Variants in HGFAC observed in about 807,000 individuals in gnomAD.
The protein encoded by HGFAC is hepatocyte growth factor activator serine protease.
In HGFAC, 76 loss-of-function variants were observed where a neutral mutation model predicts 70.6. The ratio of observed to expected loss-of-function variants is 1.08; its 90% CI spans 0.89 to 1.30. The LOEUF (loss-of-function observed/expected upper bound fraction) is 1.30, where lower values mean the gene tolerates loss of function less well. HGFAC is among the 50% of genes most tolerant of loss of function. HGFAC has a pLI of 0.00. For synonymous variants in HGFAC, 464 were observed against 405.3 expected (o/e 1.14, Z -1.74); for missense variants, 1,044 against 933.7 (o/e 1.12, Z -1.54).
upstream of HGFAC, chr4:3,441,953 G>T: frequency 1.8e-6 from 2 of 1,115,672 alleles, no homozygotes; most frequent in Non-Finnish European, 2.5e-6. The surrounding 1 kb of genome is among the most constrained non-coding windows in gnomAD (Gnocchi z 6.0). Flanking sequence ...CACCTGCCTT[G>T]GCCGCTCTGC....
At position 3,444,442 on chromosome 4, in the gene HGFAC, G is replaced by T; in HGVS notation, c.730G>T (p.Ala244Ser). 1.3e-6 allele frequency: 2 copies of T among 1,591,094 alleles called. No individual in the cohort carries two copies. Among genetic ancestry groups the T allele is most frequent in the Non-Finnish European group, 1.7e-6 (2 of 1,170,234 alleles). ...RTWCEGTRHT[A>S]CLSSPCLNGG... Reference sequence around the variant, plus strand: ...CTGGTGCGAAGGCACCCGACATACAGGTGCGCCACGGGGTGTGAGCCGTGC... The same window carrying T: ...CTGGTGCGAAGGCACCCGACATACATGTGCGCCACGGGGTGTGAGCCGTGC... Residue 244 changes from alanine to serine, a missense_variant and splice_region_variant, in exon 6 of 14, where the codon GCT (alanine) becomes TCT (serine). Ala to Ser is a moderately conservative substitution (Grantham distance 99). Transcript: ENST00000382774.
Position 3,444,455 on chromosome 4 carries a change from G to C in HGFAC, c.730+13G>C. 1 of 1,577,678 alleles carries C rather than the reference G, an allele frequency of 6.3e-7. No homozygotes were observed. Reference sequence around the variant, plus strand: ...ACCCGACATACAGGTGCGCCACGGGGTGTGAGCCGTGCCACTGACCCCTGA... The same window carrying C: ...ACCCGACATACAGGTGCGCCACGGGCTGTGAGCCGTGCCACTGACCCCTGA... On this transcript the variant is annotated intron_variant, in intron 6 of 13. Transcript: ENST00000382774.
In HGFAC at chr4:3,447,641, G is replaced by A. The variant is rs200292502; in HGVS notation, c.1495+10G>A. On this transcript the variant is annotated intron_variant, in intron 11 of 13. Coordinates refer to ENST00000382774, the MANE Select transcript of HGFAC (RefSeq NM_001528.4). Reference sequence around the variant, plus strand: ...AGCGACCACGACCTCGGTGAGCTCCGGCGTGTCGTGGCTGCACTCTGGGCA... The same window carrying A: ...AGCGACCACGACCTCGGTGAGCTCCAGCGTGTCGTGGCTGCACTCTGGGCA... 8.7e-5 allele frequency: 141 copies of A among 1,612,196 alleles called. No individual in the cohort carries two copies. Among genetic ancestry groups the A allele is most frequent in the East Asian group, 4.5e-4 (20 of 44,860 alleles).
rs770817808 is a variant in HGFAC, at chr4:3,449,436, C to A, written c.*17C>A. ...CCCTCCTGACCCTCCAGCGGGACAC[C>A]CTGGTTCCCACCATTCCCTGCCTTG... On this transcript the variant is annotated 3_prime_UTR_variant, in exon 14 of 14. Coordinates refer to ENST00000382774, the MANE Select transcript of HGFAC (RefSeq NM_001528.4). 6.6e-7 allele frequency: 1 copy of A among 1,504,906 alleles called. No homozygotes were observed. The highest frequency in any genetic ancestry group is 1.4e-5 in the African/African-American group (1 of 71,030). 93.2% of individuals were successfully genotyped at this position (1,504,906 alleles called of 1,614,324 possible). A position where few individuals can be genotyped will look rare whatever the true frequency, so the allele number is the denominator to read the frequency against.
At chr4:3,445,209 A>G (rs1403756070) in intron 8 of HGFAC, 56 bp from the exon 9 acceptor site, 3 of 1,437,048 alleles carry the variant, frequency 2.1e-6, no homozygotes, top group Non-Finnish European at 1.9e-6. Context: ...CCCCCTCCCC[A>G]TGCCCTCTTC....
chr4:3,442,236 C>A, intron 1 of HGFAC, 118 bp downstream of exon 1: 2 of 737,886 alleles, frequency 2.7e-6, no homozygotes, highest in African/African-American at 1.9e-5. Flanking sequence ...GGCGGGGGTC[C>A]GAGCAGGGGG....
At chr4:3,442,139 A>G in intron 1 of HGFAC, 21 bp downstream of exon 1, 1 of 1,530,970 alleles carries the variant, frequency 6.5e-7, no homozygotes, top group South Asian at 1.2e-5. Context: ...ACCTTGTCGC[A>G]GTGCGACCAG....
At position 3,443,115 on chromosome 4, in the gene HGFAC, T is replaced by G. The variant is rs1446717337; in HGVS notation, c.364T>G (p.Cys122Gly). The change falls in exon 3 of 14, where the codon TGC (cysteine) becomes GGC (glycine). Residue 122 changes from cysteine (C) to glycine (G), a missense_variant. Cys to Gly is a radical substitution (Grantham distance 159). Transcript: ENST00000382774. ...FRYGGRMLHA[C>G]TSEGSAHRKW... ...CTACGGGGGCCGCATGCTGCATGCC[T>G]GCACTTCGGAGGGCAGTGCACACAG... The G allele has an allele frequency of 1.3e-6, 2 of 1,586,946 alleles. No homozygotes were observed. The highest frequency in any genetic ancestry group is 2.2e-5 in the East Asian group (1 of 44,594).
At position 3,442,868 on chromosome 4, in the gene HGFAC, C is replaced by T. The variant is rs779825938; in HGVS notation, c.254C>T (p.Pro85Leu). The T allele has an allele frequency of 1.3e-6, 2 of 1,572,628 alleles. No individual in the cohort carries two copies. The highest frequency in any genetic ancestry group is 2.7e-5 in the African/African-American group (2 of 72,734). Residue 85 changes from proline (P) to leucine (L), a missense_variant, in exon 2 of 14, where the codon CCC becomes CTC. Transcript: ENST00000382774. ...AEGPQSGGLPPPPRAVPSSSS... is the reference protein window; with the variant it reads ...AEGPQSGGLPLPPRAVPSSSS... ...GGACCCCAAAGTGGGGGGCTCCCGCCCCCGCCCAGGGCAGTTCCCTCGAGC... is the reference window on the plus strand; with the variant it reads ...GGACCCCAAAGTGGGGGGCTCCCGCTCCCGCCCAGGGCAGTTCCCTCGAGC...
At chr4:3,445,903 G>A in intron 9 of HGFAC, 139 bp from the exon 10 acceptor site, 1 of 1,549,558 alleles carries the variant, frequency 6.5e-7, no homozygotes, top group African/African-American at 1.4e-5. Flanking sequence ...AGAGGTGAGT[G>A]GGCGCCAGGG....
At chr4:3,443,506 G>A (rs1725385052) in intron 4 of HGFAC, 86 bp downstream of exon 4, 2 of 835,064 alleles carry the variant, frequency 2.4e-6, no homozygotes, top group Middle Eastern at 3.5e-4. Flanking sequence ...GCGGACCCGG[G>A]CAGGGGTCCT....
rs1725650567 is a variant in HGFAC, at chr4:3,449,323, G to T, written c.1872G>T (p.Arg624=). 2 of 1,612,018 alleles carry T rather than the reference G, an allele frequency of 1.2e-6. No individual in the cohort carries two copies. Among genetic ancestry groups the T allele is most frequent in the Non-Finnish European group, 1.7e-6 (2 of 1,179,452 alleles). The change falls in exon 14 of 14, where the codon CGG becomes CGT. Residue 624 remains arginine, a synonymous_variant. Coordinates refer to ENST00000382774, the MANE Select transcript of HGFAC (RefSeq NM_001528.4). ...GIISWGDGCG[R]LHKPGVYTRV... ...TCAGCTGGGGTGACGGCTGCGGGCGGCTCCACAAGCCGGGGGTCTACACCC... is the reference window on the plus strand; with the variant it reads ...TCAGCTGGGGTGACGGCTGCGGGCGTCTCCACAAGCCGGGGGTCTACACCC...
chr4:3,447,791 C>T, intron 11 of HGFAC, 104 bp from the exon 12 acceptor site: 1 of 1,536,646 alleles, frequency 6.5e-7, no homozygotes. Context: ...ATCTCCCAGG[C>T]TGCCCTGTGG....
At chr4:3,442,171 G>C in intron 1 of HGFAC, 53 bp downstream of exon 1, 1 of 1,413,914 alleles carries the variant, frequency 7.1e-7, no homozygotes, top group Non-Finnish European at 9.5e-7. Context: ...GGCTACTTGG[G>C]GTCCTTGGGA....
chr4:3,443,410 A>AG lies in HGFAC; in HGVS notation c.470dup (p.Ala159SerfsTer46). The AG allele has an allele frequency of 1.4e-6, 2 of 1,474,660 alleles. No homozygotes were observed. The highest frequency in any genetic ancestry group is 2.5e-5 in the Admixed American group (1 of 40,788). The allele number at this position is 1,474,660 out of a possible 1,614,324, so 91.3% of individuals were successfully genotyped here. ...ACTGTGTGGAGGCCACCCCGCCTCC[A>AG]GGGGGCCCAGGTGGGTGCTGGGTTG... On this transcript the variant is annotated frameshift_variant, in exon 4 of 14. Coordinates refer to ENST00000382774, the MANE Select transcript of HGFAC (RefSeq NM_001528.4). LOFTEE classifies it high-confidence loss of function.
At chr4:3,445,680 C>T in intron 9 of HGFAC, 1 of 610,556 alleles carries the variant, frequency 1.6e-6, no homozygotes, top group Non-Finnish European at 2.9e-6. Flanking sequence ...CACCTGCTTC[C>T]TGCCCTGGGG....
At chr4:3,446,373 C>T (rs1032805605) in intron 10 of HGFAC, 79 bp downstream of exon 10, 20 of 1,498,162 alleles carry the variant, frequency 1.3e-5, no homozygotes, top group South Asian at 7.8e-5. Flanking sequence ...TGTCCCCACC[C>T]GCTTGCGGAC....
intron 1 of HGFAC, 125 bp from the exon 2 acceptor site, chr4:3,442,607 C>A: frequency 1.6e-6 from 1 of 616,534 alleles, no homozygotes; most frequent in South Asian, 3.6e-5. Flanking sequence ...CGTGTGTCCT[C>A]CTGGAACCTG....
At chr4:3,446,390 C>G in intron 10 of HGFAC, 96 bp downstream of exon 10, 1 of 1,449,206 alleles carries the variant, frequency 6.9e-7, no homozygotes, top group Non-Finnish European at 9.2e-7. Flanking sequence ...GGACCCCATC[C>G]CGGTGCCTCT....
Sources: gnomAD v4.1 joint callset for allele counts on GRCh38, gnomAD v4.1.1 for gene constraint, Gnocchi (gnomAD v3.1) non-coding constraint, MANE v1.5 for transcripts, NCBI Gene and HGNC (gene_info 2026-07-23, HGNC 2026-07-21) for gene names.